The following TSGA10 variants were observed in gnomAD, a reference collection of about 807,000 sequenced individuals.
TSGA10 encodes testis specific 10, also known as testis-specific gene 10 protein.
In TSGA10, 43 loss-of-function variants were observed where a neutral mutation model predicts 96.6. The observed-to-expected ratio is 0.44, with a 90% confidence interval of 0.35 to 0.57. The LOEUF (loss-of-function observed/expected upper bound fraction) is 0.57, where lower values mean the gene tolerates loss of function less well. Among genes scored for constraint, TSGA10 ranks in the 20% least tolerant of loss-of-function variants. The pLI is 0.01. For synonymous variants in TSGA10, 229 were observed against 269.9 expected (o/e 0.85, Z 1.48); for missense variants, 703 against 834.4 (o/e 0.84, Z 1.94).
At chr2:99,068,256 A>T (rs1342219160) in intron 15 of TSGA10, among the ~76,000 whole-genome samples, 1 of 152,210 alleles carries the variant, frequency 6.6e-6, no homozygotes, top group East Asian at 1.9e-4. Context: ...TGGATTGATT[A>T]TTATAATAGG....
At chr2:99,000,433 C>T (rs1238379284) in intron 20 of TSGA10, among the ~76,000 whole-genome samples, 1 of 151,626 alleles carries the variant, frequency 6.6e-6, no homozygotes, top group East Asian at 1.9e-4. Flanking sequence ...TCACTTGAAC[C>T]TGGGAGGTGG....
At chr2:99,074,443 T>C (rs754425722) in intron 12 of TSGA10, among the ~76,000 whole-genome samples, 51 of 151,694 alleles carry the variant, frequency 3.4e-4, no homozygotes, top group Admixed American at 5.3e-4. Flanking sequence ...TTCTGCTTTC[T>C]CATGGAATGG....
At chr2:99,028,841 C>T (rs1394718039) in intron 17 of TSGA10, among the ~76,000 whole-genome samples, 1 of 152,120 alleles carries the variant, frequency 6.6e-6, no homozygotes, top group Non-Finnish European at 1.5e-5. Flanking sequence ...TTTTTGAAAG[C>T]TCGTTGGCTG....
intron 1 of TSGA10, among the ~76,000 whole-genome samples, chr2:99,153,998 C>T (rs1341224779): frequency 6.6e-6 from 1 of 152,198 alleles, no homozygotes; most frequent in Non-Finnish European, 1.5e-5. Context: ...GTCCATTACC[C>T]CACGCCTTAA....
chr2:99,000,054 T>C (rs745981982), intron 20 of TSGA10, among the ~76,000 whole-genome samples: 3 of 152,148 alleles, frequency 2.0e-5, no homozygotes, highest in Non-Finnish European at 4.4e-5. Context: ...CCACGCCCAG[T>C]GTAATTCACC....
At chr2:99,076,232 C>G (rs2086685437) in intron 12 of TSGA10, among the ~76,000 whole-genome samples, 1 of 152,116 alleles carries the variant, frequency 6.6e-6, no homozygotes. Flanking sequence ...GAAACCATAC[C>G]TTGTCAATTT....
At chr2:99,004,128 C>T (rs923116043) in intron 20 of TSGA10, among the ~76,000 whole-genome samples, 1 of 152,154 alleles carries the variant, frequency 6.6e-6, no homozygotes, top group East Asian at 1.9e-4. Flanking sequence ...CACCACTGAT[C>T]CCACGGAAAT....
intron 16 of TSGA10, among the ~76,000 whole-genome samples, chr2:99,049,303 C>T (rs897518557): frequency 1.5e-4 from 23 of 152,136 alleles, no homozygotes; most frequent in Admixed American, 4.6e-4. Context: ...CAGCACTATT[C>T]ACAATAGCAA....
intron 1 of TSGA10, among the ~76,000 whole-genome samples, chr2:99,134,561 C>A (rs1307832714): frequency 6.6e-6 from 1 of 152,106 alleles, no homozygotes; most frequent in South Asian, 2.1e-4. Flanking sequence ...TATTACCCAC[C>A]TTCTGAAGCC....
intron 16 of TSGA10, among the ~76,000 whole-genome samples, chr2:99,063,174 T>A (rs560869977): frequency 6.6e-6 from 1 of 152,318 alleles, no homozygotes; most frequent in South Asian, 2.1e-4. Context: ...ATAAAAATTA[T>A]ATGTCTACTT....
chr2:99,091,831 C>T (rs2089389736), intron 10 of TSGA10, among the ~76,000 whole-genome samples: 2 of 152,046 alleles, frequency 1.3e-5, no homozygotes, highest in Admixed American at 1.3e-4. Context: ...TGGGGGACTT[C>T]AATACTCCAC....
intron 20 of TSGA10, among the ~76,000 whole-genome samples, chr2:99,010,824 T>A (rs374647287): frequency 6.6e-6 from 1 of 152,362 alleles, no homozygotes; most frequent in East Asian, 1.9e-4. Context: ...GTTCAAATGC[T>A]GTGCTTGCTT....
chr2:99,023,136 AAT>A (rs1038591751), intron 17 of TSGA10, among the ~76,000 whole-genome samples: 1 of 152,086 alleles, frequency 6.6e-6, no homozygotes, highest in Non-Finnish European at 1.5e-5. Context: ...AGTCTCTGGG[AAT>A]ACAACTGTGC....
intron 4 of TSGA10, among the ~76,000 whole-genome samples, chr2:99,115,077 C>T (rs1453857212): frequency 6.6e-6 from 1 of 152,070 alleles, no homozygotes; most frequent in Non-Finnish European, 1.5e-5. Flanking sequence ...GGATTACAGG[C>T]GTATGGCAAC....
At chr2:99,044,141 T>A (rs1356429373) in intron 16 of TSGA10, among the ~76,000 whole-genome samples, 1 of 152,024 alleles carries the variant, frequency 6.6e-6, no homozygotes, top group Admixed American at 6.6e-5. Context: ...AATAACCAGG[T>A]AGCATCATAA....
At chr2:99,112,329 A>C (rs1381459639) in intron 4 of TSGA10, among the ~76,000 whole-genome samples, 1 of 152,236 alleles carries the variant, frequency 6.6e-6, no homozygotes, top group African/African-American at 2.4e-5. Flanking sequence ...CAAAAAAATA[A>C]TACAAGGAGC....
chr2:99,117,932 A>G lies in TSGA10; in HGVS notation c.-355-173T>C, dbSNP rs943481198. 5.3e-5 allele frequency among the ~76,000 whole-genome samples: 8 copies of G among 152,246 alleles called. No individual in the cohort carries two copies. The South Asian group carries it at 1.5e-3, about 28-fold the overall frequency. On this transcript the variant is annotated intron_variant, in intron 3 of 20. Coordinates refer to ENST00000393483, the MANE Select transcript of TSGA10 (RefSeq NM_025244.4). ...CCATGTGAATGTATTACCTATTTGAAAAAATATATTAAATAAACATTTTAA... is the reference window on the plus strand; with the variant it reads ...CCATGTGAATGTATTACCTATTTGAGAAAATATATTAAATAAACATTTTAA...
At chr2:99,037,118 T>C (rs2081700516) in intron 16 of TSGA10, among the ~76,000 whole-genome samples, 2 of 152,184 alleles carry the variant, frequency 1.3e-5, no homozygotes, top group Non-Finnish European at 2.9e-5. Flanking sequence ...AAGGATACAA[T>C]TCAACTGAAC....
chr2:99,006,747 G>A (rs1308791012), intron 20 of TSGA10, among the ~76,000 whole-genome samples: 1 of 152,168 alleles, frequency 6.6e-6, no homozygotes, highest in African/African-American at 2.4e-5. Context: ...CGATTCCTCA[G>A]GGATCTAGAA....
Sources: allele counts gnomAD v4.1 joint callset (sites outside exome capture counted in the v4.1 genomes callset), GRCh38; gene constraint gnomAD v4.1.1; transcripts MANE v1.5; gene names NCBI Gene and HGNC (gene_info 2026-07-23, HGNC 2026-07-21).